NMNAT2: variants seen among roughly 807,000 people sequenced by gnomAD.
NMNAT2 encodes nicotinamide/nicotinic acid mononucleotide adenylyltransferase 2.
A neutral mutation model predicts 41.6 loss-of-function variants in NMNAT2; 11 were observed. The ratio of observed to expected loss-of-function variants is 0.26; its 90% confidence interval spans 0.17 to 0.44. The LOEUF (loss-of-function observed/expected upper bound fraction) is 0.44. Among genes scored for constraint, NMNAT2 ranks in the 20% least tolerant of loss-of-function variants. The pLI is 1.00. For synonymous variants in NMNAT2, 148 were observed against 151.2 expected, an observed-to-expected ratio of 0.98 and a Z score of 0.16; for missense variants, 288 against 407.7, an observed-to-expected ratio of 0.71 and a Z score of 2.53.
intron 1 of NMNAT2, among the ~76,000 whole-genome samples, chr1:183,358,556 G>GT (rs1158883857): frequency 6.6e-6 from 1 of 152,202 alleles, no homozygotes; most frequent in Non-Finnish European, 1.5e-5. Context: ...AACATTGCAG[G>GT]TGTGTTCTGC....
intron 1 of NMNAT2, among the ~76,000 whole-genome samples, chr1:183,316,497 T>A (rs1434303277): frequency 1.3e-5 from 2 of 152,158 alleles, no homozygotes; most frequent in Non-Finnish European, 2.9e-5. Context: ...GGAGATCAGA[T>A]GCTGAGTCAA....
intron 8 of NMNAT2, among the ~76,000 whole-genome samples, chr1:183,264,716 C>G (rs940873529): frequency 6.6e-6 from 1 of 152,082 alleles, no homozygotes; most frequent in Non-Finnish European, 1.5e-5. Context: ...AGGGAAGGTA[C>G]TAGGTGCTAG....
At position 183,286,797 on chromosome 1, in the gene NMNAT2, A is replaced by G. The variant is rs774706815; in HGVS notation, c.322-9T>C. ...ATGCAGCCAGTCACCCTCTAGGGAG[A>G]GAGAGAAGAGTGTTATTAGTCATGT... On this transcript the variant is annotated splice_polypyrimidine_tract_variant and intron_variant, in intron 4 of 10. Transcript: ENST00000287713. The G allele has an allele frequency of 1.9e-6, 3 of 1,605,928 alleles. No individual in the cohort carries two copies. The East Asian group carries it at 6.7e-5, about 36-fold the overall frequency.
chr1:183,297,058 G>A (rs1038039251), intron 1 of NMNAT2, among the ~76,000 whole-genome samples: 1 of 150,642 alleles, frequency 6.6e-6, no homozygotes, highest in African/African-American at 2.4e-5. Context: ...TCCAAATAGT[G>A]CCTTCTAACT....
intron 1 of NMNAT2, among the ~76,000 whole-genome samples, chr1:183,350,748 C>T (rs1663028305): frequency 6.6e-6 from 1 of 152,328 alleles, no homozygotes; most frequent in South Asian, 2.1e-4. Flanking sequence ...ATGCACAACA[C>T]ATTAAACATA....
At chr1:183,315,881 T>C (rs985958228) in intron 1 of NMNAT2, among the ~76,000 whole-genome samples, 1 of 151,954 alleles carries the variant, frequency 6.6e-6, no homozygotes, top group African/African-American at 2.4e-5. Flanking sequence ...AACCTGCACT[T>C]TCTGCACATG....
chr1:183,332,825 C>T (rs1004233367), intron 1 of NMNAT2, among the ~76,000 whole-genome samples: 7 of 152,200 alleles, frequency 4.6e-5, no homozygotes, highest in Non-Finnish European at 1.0e-4. Context: ...TCAGCCTCGC[C>T]CAGGTCGGGG....
At chr1:183,341,786 T>C (rs988112903) in intron 1 of NMNAT2, among the ~76,000 whole-genome samples, 11 of 144,410 alleles carry the variant, frequency 7.6e-5, no homozygotes, top group African/African-American at 2.5e-4. Flanking sequence ...TGATCATGTG[T>C]TTATGATTAC....
In NMNAT2 at chr1:183,325,988, G is replaced by C. The variant is rs549725372; in HGVS notation, c.86-32195C>G. Among the ~76,000 whole-genome samples, 10 of 152,266 alleles carry C rather than the reference G, an allele frequency of 6.6e-5. No homozygotes were observed. In the South Asian group the frequency reaches 1.9e-3, roughly 28 times the overall value. On this transcript the variant is annotated intron_variant, in intron 1 of 10. Transcript: ENST00000287713. Reference sequence around the variant, plus strand: ...GGGGAGGGAGACAAACAGCACACAAGTATTTAAGGATACACACAAACACAC... The same window carrying C: ...GGGGAGGGAGACAAACAGCACACAACTATTTAAGGATACACACAAACACAC...
intron 5 of NMNAT2, 62 bp from the exon 6 acceptor site, chr1:183,284,852 C>T: frequency 2.1e-6 from 3 of 1,406,892 alleles, no homozygotes; most frequent in African/African-American, 1.4e-5. Context: ...AACTGGCACT[C>T]ATGTCGGCCC....
chr1:183,300,031 C>A (rs1169677331), intron 1 of NMNAT2, among the ~76,000 whole-genome samples: 1 of 152,052 alleles, frequency 6.6e-6, no homozygotes, highest in Non-Finnish European at 1.5e-5. Flanking sequence ...GAGGATGGAA[C>A]CCTCGTGGAT....
chr1:183,323,003 C>G (rs767167561), intron 1 of NMNAT2, among the ~76,000 whole-genome samples: 2 of 152,156 alleles, frequency 1.3e-5, no homozygotes, highest in African/African-American at 4.8e-5. Context: ...GCGATTTCGG[C>G]TCGCTGCAAC....
intron 5 of NMNAT2, among the ~76,000 whole-genome samples, chr1:183,285,142 C>A (rs1661370473): frequency 6.6e-6 from 1 of 152,166 alleles, no homozygotes; most frequent in Admixed American, 6.5e-5. Context: ...CTCCTGCCAA[C>A]CTGTTGGCAT....
intron 1 of NMNAT2, among the ~76,000 whole-genome samples, chr1:183,357,824 G>A (rs760369785): frequency 5.3e-5 from 8 of 152,032 alleles, no homozygotes; most frequent in Non-Finnish European, 1.0e-4. Flanking sequence ...GTCTGTTCAT[G>A]TCCTTTGCCC....
intron 1 of NMNAT2, among the ~76,000 whole-genome samples, chr1:183,392,630 T>C (rs1249057065): frequency 6.6e-6 from 1 of 152,222 alleles, no homozygotes; most frequent in Admixed American, 6.5e-5. Flanking sequence ...TAATCCCATC[T>C]ACCACCCCCT....
At chr1:183,352,187 CCTCCCTGTG>C (rs971809061) in intron 1 of NMNAT2, among the ~76,000 whole-genome samples, 11 of 152,222 alleles carry the variant, frequency 7.2e-5, no homozygotes, top group African/African-American at 2.6e-4. Flanking sequence ...AAATCGTTCA[CCTCCCTGTG>C]CTCTGAAGCG....
At chr1:183,272,288 AG>A (rs1661004897) in intron 8 of NMNAT2, among the ~76,000 whole-genome samples, 1 of 152,204 alleles carries the variant, frequency 6.6e-6, no homozygotes, top group African/African-American at 2.4e-5. Flanking sequence ...GCAAAGGAGC[AG>A]GTCTCCTGGG....
At chr1:183,411,778 A>G (rs1310971977) in intron 1 of NMNAT2, among the ~76,000 whole-genome samples, 1 of 152,216 alleles carries the variant, frequency 6.6e-6, no homozygotes, top group Non-Finnish European at 1.5e-5. Flanking sequence ...TTTAAAGGTG[A>G]TAAGTACGAA....
chr1:183,265,305 T>G (rs997357722), intron 8 of NMNAT2, among the ~76,000 whole-genome samples: 1 of 135,182 alleles, frequency 7.4e-6, no homozygotes, highest in African/African-American at 2.7e-5. Context: ...GTCTCACTGT[T>G]GCCCAGGCTG....
Sources: gnomAD v4.1 joint callset for allele counts (sites outside exome capture counted in the v4.1 genomes callset) on GRCh38, gnomAD v4.1.1 for gene constraint, MANE v1.5 for transcripts, NCBI Gene and HGNC (gene_info 2026-07-23, HGNC 2026-07-21) for gene names.